Variants in DMBT1 observed in about 807,000 individuals in gnomAD.
DMBT1 encodes the protein scavenger receptor cysteine-rich domain-containing protein DMBT1.
DMBT1 carries 198 observed loss-of-function variants against 252.9 expected under a neutral mutation model. That is an observed-to-expected ratio of 0.78 (90% CI 0.70 to 0.88). The LOEUF is 0.88. Among genes scored for constraint, DMBT1 ranks in the 40% least tolerant of loss-of-function variants. The pLI, the probability that DMBT1 is intolerant of heterozygous loss-of-function variation, is 0.00. For missense variants in DMBT1, 2,432 were observed against 2,404.7 expected (o/e 1.01, Z -0.24); for synonymous variants, 990 against 942.7 (o/e 1.05, Z -0.92).
intron 55 of DMBT1, among the ~76,000 whole-genome samples, chr10:122,640,681 A>G (rs187755870): frequency 1.2e-3 from 186 of 152,314 alleles, no homozygotes; most frequent in Admixed American, 2.0e-3. Flanking sequence ...ATGACCATGT[A>G]TCATCTCCAG....
chr10:122,584,379 T>G (rs1433254489), intron 14 of DMBT1, 28 bp downstream of exon 14: 8 of 474,904 alleles, frequency 1.7e-5, no homozygotes, highest in Non-Finnish European at 3.0e-5. Context: ...TTCCTTGGGA[T>G]GTCCCTTCTC....
intron 17 of DMBT1, 58 bp from the exon 18 acceptor site, chr10:122,590,607 G>T: frequency 6.4e-7 from 1 of 1,568,026 alleles, no homozygotes; most frequent in Non-Finnish European, 8.7e-7. Flanking sequence ...TTGTACCTTT[G>T]TTCTGGTTTT....
intron 26 of DMBT1, among the ~76,000 whole-genome samples, chr10:122,599,779 T>A (rs2133609418): frequency 6.6e-6 from 1 of 152,196 alleles, no homozygotes; most frequent in South Asian, 2.1e-4. Flanking sequence ...CCTTGCTGAC[T>A]CAAGAATGCC....
At chr10:122,569,064 TTTCATAGACAATGAAGGTCAAGGG>T (rs1206475389) in intron 2 of DMBT1, among the ~76,000 whole-genome samples, 2 of 152,174 alleles carry the variant, frequency 1.3e-5, no homozygotes, top group African/African-American at 2.4e-5. Flanking sequence ...TACTGGCCCT[TTTCATAGACAATGAAGGTCAAGGG>T]ATCATCGGCC....
In DMBT1 at chr10:122,592,611, C is replaced by A. The variant is rs532063845; in HGVS notation, c.2500+16C>A. The A allele has an allele frequency of 6.3e-7, 1 of 1,588,192 alleles. No homozygotes were observed. The highest frequency in any genetic ancestry group is 1.3e-5 in the African/African-American group (1 of 74,566). ...ATCTGCTCAGGTGGGCCTCCAAGACCTTGGGCTCCCTCTCCTAGACTGGAG... is the reference window on the plus strand; with the variant it reads ...ATCTGCTCAGGTGGGCCTCCAAGACATTGGGCTCCCTCTCCTAGACTGGAG... On this transcript the variant is annotated intron_variant, in intron 20 of 55. Transcript: ENST00000338354.
chr10:122,632,921 G>T (rs1384840308), intron 51 of DMBT1, 31 bp downstream of exon 51: 7 of 1,613,392 alleles, frequency 4.3e-6, no homozygotes, highest in Non-Finnish European at 5.9e-6. Context: ...CAAGTCTGTG[G>T]CAGAGTGGCC....
intron 16 of DMBT1, among the ~76,000 whole-genome samples, chr10:122,586,956 C>G (rs564338163): frequency 6.7e-6 from 1 of 148,164 alleles, no homozygotes; most frequent in Admixed American, 6.7e-5. Context: ...AGGGCCCAGA[C>G]AGTTTTCAAC....
At chr10:122,579,495 G>A in intron 9 of DMBT1, 83 bp from the exon 10 acceptor site, 2 of 1,599,944 alleles carry the variant, frequency 1.3e-6, no homozygotes, top group Non-Finnish European at 1.7e-6. Context: ...TAGTTCATTA[G>A]GAAGTACCCT....
chr10:122,577,438 A>G (rs1419568373), intron 7 of DMBT1, among the ~76,000 whole-genome samples: 1 of 152,170 alleles, frequency 6.6e-6, no homozygotes, highest in Non-Finnish European at 1.5e-5. Context: ...CTAGAGTATC[A>G]CCAGGAATCC....
intron 17 of DMBT1, among the ~76,000 whole-genome samples, chr10:122,589,583 G>A (rs1440505709): frequency 1.3e-5 from 2 of 148,392 alleles, no homozygotes; most frequent in African/African-American, 4.9e-5. Context: ...GCTGGGGTCA[G>A]GTTATTCATG....
chr10:122,634,646 G>T (rs1015570781), intron 52 of DMBT1, among the ~76,000 whole-genome samples: 1 of 151,738 alleles, frequency 6.6e-6, no homozygotes, highest in South Asian at 2.1e-4. Context: ...ACAGGCACAC[G>T]CCACAATGCC....
chr10:122,591,808 G>A lies in DMBT1; in HGVS notation c.2176+291G>A, dbSNP rs951023963. Among the ~76,000 whole-genome samples the A allele has an allele frequency of 1.3e-5, 2 of 149,200 alleles. 1 individual carries two copies. Among genetic ancestry groups the A allele is most frequent in the Admixed American group, 1.3e-4 (2 of 15,064 alleles). On this transcript the variant is annotated intron_variant, in intron 19 of 55. Coordinates refer to ENST00000338354, the MANE Select transcript of DMBT1 (RefSeq NM_001377530.1). ...TCCCTACTCCTGGGACCTCATTCCT[G>A]GCCTTCTGGCCATGCATTGCAGACC...
rs115219703 is a variant in DMBT1 at position 122,635,853 on chromosome 10, G to T, written c.6549-138G>T. ...TTATAAGTGTGAGCTACTGCGCCCA[G>T]CCAAGGAGACCTATGACTTTCATCG... On this transcript the variant is annotated intron_variant, in intron 52 of 55. Coordinates refer to ENST00000338354, the MANE Select transcript of DMBT1 (RefSeq NM_001377530.1). 1,487 of 895,560 alleles carry T rather than the reference G, an allele frequency of 1.7e-3. 15 individuals are homozygous for T. The African/African-American group carries it at 0.022, about 13-fold the overall frequency. The allele number at this position is 895,560 out of a possible 1,614,324, so 55.5% of individuals were successfully genotyped here.
At chr10:122,576,754 T>C in intron 7 of DMBT1, 32 bp downstream of exon 7, 1 of 1,612,800 alleles carries the variant, frequency 6.2e-7, no homozygotes, top group South Asian at 1.1e-5. Flanking sequence ...GGGTTGGGTG[T>C]GGTGGCTCAT....
Position 122,600,103 on chromosome 10 carries a change from C to T in DMBT1, c.3310+10C>T. On this transcript the variant is annotated intron_variant, in intron 27 of 55. Coordinates refer to ENST00000338354, the MANE Select transcript of DMBT1 (RefSeq NM_001377530.1). ...CCAACACCTAGTCCAGGTGGGTCCC[C>T]AGTGTCCTTCCTCAAAATGTCCCTT... The T allele has an allele frequency of 1.2e-6, 2 of 1,605,704 alleles. No individual in the cohort carries two copies. The highest frequency in any genetic ancestry group is 1.7e-6 in the Non-Finnish European group (2 of 1,177,696).
chr10:122,585,138 C>A, intron 14 of DMBT1, 133 bp from the exon 15 acceptor site: 2 of 1,222,796 alleles, frequency 1.6e-6, no homozygotes, highest in South Asian at 1.4e-5. Flanking sequence ...CTTGGGCAGA[C>A]ACATGGGGAG....
intron 46 of DMBT1, among the ~76,000 whole-genome samples, chr10:122,628,111 G>T (rs78865680): frequency 0.012 from 1,828 of 152,296 alleles, 41 homozygotes; most frequent in African/African-American, 0.042. Flanking sequence ...GCAGTTTGGT[G>T]GCTCCTCGAA....
chr10:122,572,266 T>C (rs753564511), intron 4 of DMBT1, 48 bp from the exon 5 acceptor site: 7 of 1,610,756 alleles, frequency 4.3e-6, no homozygotes, highest in South Asian at 1.1e-5. Flanking sequence ...CCAACCCTCT[T>C]CAAGCAAGGG....
chr10:122,600,516 A>C (rs1028981492), intron 27 of DMBT1, among the ~76,000 whole-genome samples: 4 of 152,204 alleles, frequency 2.6e-5, no homozygotes, highest in African/African-American at 9.6e-5. Context: ...TTCCGAGATT[A>C]TCATGGGCCA....
Sources: gnomAD v4.1 joint callset for allele counts (sites outside exome capture counted in the v4.1 genomes callset) on GRCh38, gnomAD v4.1.1 for gene constraint, MANE v1.5 for transcripts, NCBI Gene and HGNC (gene_info 2026-07-23, HGNC 2026-07-21) for gene names.